ZNF30: variants seen among roughly 807,000 people sequenced by gnomAD.
ZNF30 encodes zinc finger protein 30 (KOX 28).
ZNF30 carries 15 observed loss-of-function variants against 13.2 expected under a neutral mutation model. The ratio of observed to expected loss-of-function variants is 1.13; its 90% CI spans 0.76 to 1.75. The LOEUF (loss-of-function observed/expected upper bound fraction) is 1.75. Ranked by LOEUF, ZNF30 falls within the 40% of genes most tolerant of loss-of-function variation. ZNF30 has a pLI of 0.00. For missense variants in ZNF30, 726 were observed against 757.0 expected, an observed-to-expected ratio of 0.96 and a Z score of 0.48; for synonymous variants, 223 against 256.6, an observed-to-expected ratio of 0.87 and a Z score of 1.25.
upstream of ZNF30, among the ~76,000 whole-genome samples, chr19:34,925,011 A>T (rs2012013007): frequency 6.6e-6 from 1 of 152,226 alleles, no homozygotes; most frequent in South Asian, 2.1e-4. Context: ...GATGTTGATA[A>T]GAGAAAAGTT....
At position 34,944,844 on chromosome 19, in the gene ZNF30, T is replaced by G. The variant is rs370756570; in HGVS notation, c.*6T>G. 74 of 1,563,658 alleles carry G rather than the reference T, an allele frequency of 4.7e-5. No individual in the cohort carries two copies. Among genetic ancestry groups the G allele is most frequent in the Non-Finnish European group, 6.3e-5 (73 of 1,151,188 alleles). ...ATATGAGTGTTATACCCTAAGAGTC[T>G]GAGGAGTGTGGGAAGTGCTTCGTGT... is the stretch of plus-strand genomic sequence containing the variant. On this transcript the variant is annotated 3_prime_UTR_variant, in exon 5 of 5. Transcript: ENST00000601142.
rs1018938063 is a variant in ZNF30, at chr19:34,943,136, G to A, written c.257-87G>A. On this transcript the variant is annotated intron_variant, in intron 4 of 4. Transcript: ENST00000601142. Reference sequence around the variant, plus strand: ...AATATTACTGAGCTATTTATTTCTAGTTGGTGTTATTTTCAGTTTTTCTCT... The same window carrying A: ...AATATTACTGAGCTATTTATTTCTAATTGGTGTTATTTTCAGTTTTTCTCT... 2.8e-5 allele frequency: 26 copies of A among 934,180 alleles called. No homozygotes were observed. In the Admixed American group the frequency reaches 3.6e-4, roughly 13 times the overall value. The allele number at this position is 934,180 out of a possible 1,614,324, so 57.9% of individuals were successfully genotyped here.
At chr19:34,931,069 G>A (rs753691217) in intron 2 of ZNF30, among the ~76,000 whole-genome samples, 5 of 126,824 alleles carry the variant, frequency 3.9e-5, no homozygotes, top group East Asian at 2.2e-4. Context: ...ACTGAGTCTC[G>A]CTCTGTCACC....
rs758833740 is a variant in ZNF30, at chr19:34,943,415, G to A, written c.449G>A (p.Cys150Tyr). 1 of 1,613,950 alleles carries A rather than the reference G, an allele frequency of 6.2e-7. No individual in the cohort carries two copies. The highest frequency in any genetic ancestry group is 8.5e-7 in the Non-Finnish European group (1 of 1,179,890). ...RIHSSEKPNR[C>Y]KECGKNFSNG... ...CATAGTAGTGAAAAACCCAACAGAT[G>A]TAAAGAATGTGGGAAGAACTTTAGT... Residue 150 changes from cysteine to tyrosine, a missense_variant, in exon 5 of 5, where the codon TGT becomes TAT. By Grantham distance (194) the Cys-to-Tyr change is radical (BLOSUM62 -2). Coordinates refer to ENST00000601142, the MANE Select transcript of ZNF30 (RefSeq NM_194325.3).
chr19:34,944,745 GAA>G lies in ZNF30; in HGVS notation c.1781_1782del (p.Lys594ThrfsTer3). ...AACATCAGCGGGTACACACTGGTGAGAAACCCTTTAAATGCAAAAAATGTGGG... is the reference window on the plus strand; with the variant it reads ...AACATCAGCGGGTACACACTGGTGAGACCCTTTAAATGCAAAAAATGTGGG... Reference protein sequence around the residue: ...TEHQRVHTGEKPFKCKKCGKT... With the variant: ...TEHQRVHTGEXPFKCKKCGKT... On this transcript the variant is annotated frameshift_variant, in exon 5 of 5. Coordinates refer to ENST00000601142, the MANE Select transcript of ZNF30 (RefSeq NM_194325.3). LOFTEE classifies it high-confidence loss of function. The G allele has an allele frequency of 6.2e-7, 1 of 1,613,904 alleles. No homozygotes were observed. The highest frequency in any genetic ancestry group is 1.6e-4 in the Middle Eastern group (1 of 6,062).
chr19:34,935,209 C>T (rs1041074004), intron 4 of ZNF30, among the ~76,000 whole-genome samples: 16 of 150,346 alleles, frequency 1.1e-4, no homozygotes, highest in Non-Finnish European at 2.1e-4. Context: ...CCAGCCTGGG[C>T]GACAGAGCGA....
chr19:34,943,542 T>C lies in ZNF30; in HGVS notation c.576T>C (p.Val192=). 1 of 1,613,742 alleles carries C rather than the reference T, an allele frequency of 6.2e-7. No homozygotes were observed. The highest frequency in any genetic ancestry group is 8.5e-7 in the Non-Finnish European group (1 of 1,179,804). ...GKAFISGSAF[V]KHGRIHTGEK... ...CCTTTATCAGTGGCTCAGCCTTTGT[T>C]AAGCATGGGAGAATTCACACTGGTG... The change falls in exon 5 of 5, where the codon GTT becomes GTC. Residue 192 remains valine, a synonymous_variant. Coordinates refer to ENST00000601142, the MANE Select transcript of ZNF30 (RefSeq NM_194325.3).
chr19:34,935,840 A>T (rs900922551), intron 4 of ZNF30, among the ~76,000 whole-genome samples: 2 of 151,678 alleles, frequency 1.3e-5, no homozygotes, highest in African/African-American at 4.8e-5. Context: ...GATAAAACAT[A>T]CCCAAGACTG....
At chr19:34,929,543 G>T (rs910861524) in intron 1 of ZNF30, among the ~76,000 whole-genome samples, 1 of 152,196 alleles carries the variant, frequency 6.6e-6, no homozygotes, top group Non-Finnish European at 1.5e-5. Flanking sequence ...TGGATTGGGT[G>T]ATATGGACTC....
At chr19:34,931,452 A>AGCCAT (rs2012447403) in intron 2 of ZNF30, among the ~76,000 whole-genome samples, 3 of 152,202 alleles carry the variant, frequency 2.0e-5, no homozygotes, top group African/African-American at 7.2e-5. Flanking sequence ...CTATTTTCTA[A>AGCCAT]GACAGATTTT....
In ZNF30 at chr19:34,942,528, C is replaced by T. The variant is rs189028770; in HGVS notation, c.257-695C>T. 3,314 of 749,364 alleles carry T rather than the reference C, an allele frequency of 4.4e-3. 9 individuals are homozygous for T. The highest frequency in any genetic ancestry group is 5.3e-3 in the Non-Finnish European group (2,872 of 539,196). 46.4% of individuals were successfully genotyped at this position (749,364 alleles called of 1,614,324 possible). On this transcript the variant is annotated intron_variant, in intron 4 of 4. Transcript: ENST00000601142. ...TGCTAGAAAGTAAAGACATGGACGT[C>T]CTTAGACAAAGTTAGCAGTTTACCA...
At chr19:34,939,122 C>CTCCCA (rs2012892445) in intron 4 of ZNF30, among the ~76,000 whole-genome samples, 1 of 81,168 alleles carries the variant, frequency 1.2e-5, no homozygotes, top group African/African-American at 7.5e-5. Context: ...AGTGTCTTGT[C>CTCCCA]TCCCCTCCCC....
rs374930357 is a variant in ZNF30, at chr19:34,944,996, CT to C, written c.*161del. On this transcript the variant is annotated 3_prime_UTR_variant, in exon 5 of 5. Transcript: ENST00000601142. ...TAACTCAGAAAACATAAGAATATTC[CT>C]TTGTCATTTATAGGTTTGTAATACC... is the stretch of plus-strand genomic sequence containing the variant. 63 of 728,700 alleles carry C rather than the reference CT, an allele frequency of 8.6e-5. No homozygotes were observed. The highest frequency in any genetic ancestry group is 8.3e-4 in the African/African-American group (47 of 56,888). 45.1% of individuals were successfully genotyped at this position (728,700 alleles called of 1,614,324 possible). A position where few individuals can be genotyped will look rare whatever the true frequency, so the allele number is the denominator to read the frequency against.
At chr19:34,937,177 A>G (rs776235416) in intron 4 of ZNF30, among the ~76,000 whole-genome samples, 9 of 151,788 alleles carry the variant, frequency 5.9e-5, no homozygotes, top group Non-Finnish European at 1.3e-4. Context: ...ATGCCTGACT[A>G]ATTTTTTATA....
rs372613782 is a variant in ZNF30, at chr19:34,944,031, T to C, written c.1065T>C (p.Leu355=). The C allele has an allele frequency of 6.6e-5, 106 of 1,613,676 alleles. 1 individual carries two copies. The highest frequency in any genetic ancestry group is 7.6e-5 in the Non-Finnish European group (90 of 1,179,934). The part of the protein sequence containing the change: ...ECKECGKAFR[L]SSFLHAHQRI... Reference sequence around the variant, plus strand: ...AGGAATGTGGAAAGGCCTTTAGACTTAGTTCCTTCCTTCATGCACATCAGC... The same window carrying C: ...AGGAATGTGGAAAGGCCTTTAGACTCAGTTCCTTCCTTCATGCACATCAGC... Residue 355 remains leucine, a synonymous_variant, in exon 5 of 5, where the codon CTT becomes CTC. Coordinates refer to ENST00000601142, the MANE Select transcript of ZNF30 (RefSeq NM_194325.3).
At chr19:34,937,792 G>T (rs1349337038) in intron 4 of ZNF30, among the ~76,000 whole-genome samples, 1 of 151,810 alleles carries the variant, frequency 6.6e-6, no homozygotes, top group Non-Finnish European at 1.5e-5. Context: ...GATGAGAATT[G>T]ACCACAATAT....
In ZNF30 at chr19:34,934,767, C is replaced by T. The variant is rs2012632779; in HGVS notation, c.256+1044C>T. On this transcript the variant is annotated intron_variant, in intron 4 of 4. Transcript: ENST00000601142. Reference sequence around the variant, plus strand: ...AAAAGATAAAACATTTTTACGGGGGCTGGGGGACAACAAGAGGGCGAGCAT... The same window carrying T: ...AAAAGATAAAACATTTTTACGGGGGTTGGGGGACAACAAGAGGGCGAGCAT... Among the ~76,000 whole-genome samples the T allele has an allele frequency of 3.9e-5, 6 of 151,922 alleles. No individual in the cohort carries two copies. The South Asian group carries it at 1.2e-3, about 32-fold the overall frequency.
At position 34,927,145 on chromosome 19, in the gene ZNF30, A is replaced by C; in HGVS notation, c.-136A>C. 1 of 393,904 alleles carries C rather than the reference A, an allele frequency of 2.5e-6. No individual in the cohort carries two copies. The highest frequency in any genetic ancestry group is 4.5e-6 in the Non-Finnish European group (1 of 223,404). The allele number at this position is 393,904 out of a possible 1,614,324, so 24.4% of individuals were successfully genotyped here. A position where few individuals can be genotyped will look rare whatever the true frequency, so the allele number is the denominator to read the frequency against. Reference sequence around the variant, plus strand: ...GGAGCAGCCCCGCCGGGCAACTTGAATTTCTGCAAACGAACACAGCACCGG... The same window carrying C: ...GGAGCAGCCCCGCCGGGCAACTTGACTTTCTGCAAACGAACACAGCACCGG... On this transcript the variant is annotated 5_prime_UTR_variant, in exon 1 of 5. Coordinates refer to ENST00000601142, the MANE Select transcript of ZNF30 (RefSeq NM_194325.3).
chr19:34,941,880 T>G (rs2013065391), intron 4 of ZNF30, among the ~76,000 whole-genome samples: 1 of 152,188 alleles, frequency 6.6e-6, no homozygotes, highest in South Asian at 2.1e-4. Context: ...GCAATGTGTA[T>G]CTTATCAGCA....
Sources: gnomAD v4.1 joint callset for allele counts (sites outside exome capture counted in the v4.1 genomes callset) on GRCh38, gnomAD v4.1.1 for gene constraint, MANE v1.5 for transcripts, NCBI Gene and HGNC (gene_info 2026-07-23, HGNC 2026-07-21) for gene names.